The following CPSF6 variants were observed in gnomAD, a reference collection of about 807,000 sequenced individuals.
The protein encoded by CPSF6 is cleavage and polyadenylation specific factor 6.
CPSF6 carries 10 observed loss-of-function variants against 56.7 expected under a neutral mutation model. The observed-to-expected ratio is 0.18, with a 90% CI of 0.11 to 0.30. The LOEUF (loss-of-function observed/expected upper bound fraction) is 0.30, where lower values mean the gene tolerates loss of function less well. Ranked by LOEUF, CPSF6 falls within the 10% of genes least tolerant of loss-of-function variation. The pLI, the probability that CPSF6 is intolerant of heterozygous loss-of-function variation, is 1.00. For missense variants in CPSF6, 419 were observed against 722.9 expected (o/e 0.58, Z 4.82); for synonymous variants, 248 against 244.8 (o/e 1.01, Z -0.12).
Position 69,258,715 on chromosome 12 carries a change from C to G in CPSF6, c.820C>G (p.Pro274Ala). 1 of 1,614,100 alleles carries G rather than the reference C, an allele frequency of 6.2e-7. No individual in the cohort carries two copies. Among genetic ancestry groups the G allele is most frequent in the Non-Finnish European group, 8.5e-7 (1 of 1,180,014 alleles). ...GCCTCCTAATCGAGGAGATCGCCCT[C>G]CACCACCAGTTCTTTTTCCTGGACA... ...AGPPNRGDRPPPPVLFPGQPF... is the reference protein window; with the variant it reads ...AGPPNRGDRPAPPVLFPGQPF... Residue 274 changes from proline to alanine, a missense_variant, in exon 6 of 10, where the codon CCA becomes GCA. Pro to Ala is a conservative substitution (Grantham distance 27). This residue lies in a region of CPSF6 where 211 missense variants were observed against 296.0 expected (regional missense o/e 0.71). Coordinates refer to ENST00000435070, the MANE Select transcript of CPSF6 (RefSeq NM_007007.3). This position sits in a 1 kb window ranked among gnomAD's most constrained non-coding sequence, Gnocchi z 4.2.
chr12:69,273,604 A>G lies in CPSF6; in HGVS notation c.*4096A>G, dbSNP rs1429903723. 6.6e-6 allele frequency: 1 copy of G among 152,078 alleles called. No individual in the cohort carries two copies. Among genetic ancestry groups the G allele is most frequent in the South Asian group, 2.1e-4 (1 of 4,840 alleles). The allele number at this position is 152,078 out of a possible 1,614,324, so 9.4% of individuals were successfully genotyped here. ...TTTAGCGAAAACATTTTGTTTTGAA[A>G]GTGTGTTCTTTTTGTCGCACTGTTA... On this transcript the variant is annotated 3_prime_UTR_variant, in exon 10 of 10. Transcript: ENST00000435070.
chr12:69,247,840 T>TAAA (rs1466362813), intron 1 of CPSF6, among the ~76,000 whole-genome samples: 1 of 152,206 alleles, frequency 6.6e-6, no homozygotes. Context: ...TGCTTTGAGT[T>TAAA]TCATTTTTAG....
At position 69,272,677 on chromosome 12, in the gene CPSF6, TTC is replaced by T. The variant is rs1369903994; in HGVS notation, c.*3173_*3174del. 4 of 151,890 alleles carry T rather than the reference TTC, an allele frequency of 2.6e-5. No individual in the cohort carries two copies. Among genetic ancestry groups the T allele is most frequent in the African/African-American group, 9.7e-5 (4 of 41,444 alleles). The allele number at this position is 151,890 out of a possible 1,614,324, so 9.4% of individuals were successfully genotyped here. A position where few individuals can be genotyped will look rare whatever the true frequency, so the allele number is the denominator to read the frequency against. On this transcript the variant is annotated 3_prime_UTR_variant, in exon 10 of 10. Coordinates refer to ENST00000435070, the MANE Select transcript of CPSF6 (RefSeq NM_007007.3). ...CTTGACTGAGAATACAGTATTGAGATTCTCTGTTTTACAGATAACAACTGGTT... is the reference window on the plus strand; with the variant it reads ...CTTGACTGAGAATACAGTATTGAGATTCTGTTTTACAGATAACAACTGGTT...
intron 9 of CPSF6, 125 bp from the exon 10 acceptor site, chr12:69,269,386 TA>T (rs2120653536): frequency 3.3e-6 from 1 of 301,210 alleles, no homozygotes; most frequent in South Asian, 2.7e-5. Flanking sequence ...AGTTAATTCT[TA>T]TTTTGTGTTA....
chr12:69,247,914 G>T (rs1872001216), intron 1 of CPSF6, among the ~76,000 whole-genome samples: 1 of 152,178 alleles, frequency 6.6e-6, no homozygotes, highest in Admixed American at 6.5e-5. Context: ...TATACCATTG[G>T]GGCTAAGTGT....
chr12:69,243,931 T>C (rs1196136687), intron 1 of CPSF6, among the ~76,000 whole-genome samples: 1 of 152,204 alleles, frequency 6.6e-6, no homozygotes, highest in Non-Finnish European at 1.5e-5. Flanking sequence ...TCTCCCAGGC[T>C]CAAGCAGTCC....
intron 4 of CPSF6, 64 bp from the exon 5 acceptor site, chr12:69,257,668 A>G (rs921929909): frequency 2.1e-6 from 3 of 1,444,712 alleles, no homozygotes; most frequent in African/African-American, 1.4e-5. Context: ...TTTTAATAAT[A>G]GTGGTTACAT....
At chr12:69,261,474 A>G (rs994767090) in intron 8 of CPSF6, among the ~76,000 whole-genome samples, 3 of 149,808 alleles carry the variant, frequency 2.0e-5, no homozygotes, top group African/African-American at 7.6e-5. Context: ...CTGTGGTGGG[A>G]GGGTTGCTTG....
intron 3 of CPSF6, among the ~76,000 whole-genome samples, chr12:69,255,500 T>C (rs1441165971): frequency 6.6e-6 from 1 of 152,258 alleles, no homozygotes; most frequent in East Asian, 1.9e-4. Context: ...TAATACGTGC[T>C]CATCAGCAAT....
intron 9 of CPSF6, among the ~76,000 whole-genome samples, chr12:69,265,153 A>G (rs2120622307): frequency 6.6e-6 from 1 of 152,216 alleles, no homozygotes; most frequent in South Asian, 2.1e-4. Context: ...TGGTTTTTCT[A>G]AAAGTATTCA....
Position 69,258,301 on chromosome 12 carries a change from G to T in CPSF6, c.695-289G>T, listed in dbSNP as rs1027660833. On this transcript the variant is annotated intron_variant, in intron 5 of 9. Transcript: ENST00000435070. The surrounding 1 kb of genome is among the most constrained non-coding windows in gnomAD (Gnocchi z 4.2). ...AGAATATAAGGTGGGTGATTTCACT[G>T]TAAGAAGTGTGTGTACACGGAAAGA... 2 of 602,300 alleles carry T rather than the reference G, an allele frequency of 3.3e-6. No individual in the cohort carries two copies. The highest frequency in any genetic ancestry group is 5.7e-6 in the Non-Finnish European group (2 of 349,460). The allele number at this position is 602,300 out of a possible 1,614,324, so 37.3% of individuals were successfully genotyped here. A position where few individuals can be genotyped will look rare whatever the true frequency, so the allele number is the denominator to read the frequency against.
intron 1 of CPSF6, among the ~76,000 whole-genome samples, chr12:69,247,728 TAAG>T (rs956346420): frequency 6.6e-6 from 1 of 152,210 alleles, no homozygotes; most frequent in Non-Finnish European, 1.5e-5. Flanking sequence ...CTTTATGAAG[TAAG>T]AACAAAGTTC....
Position 69,258,977 on chromosome 12 carries a change from T to G in CPSF6, c.1082T>G (p.Phe361Cys). Residue 361 changes from phenylalanine (F) to cysteine (C), a missense_variant, in exon 6 of 10, where the codon TTC (phenylalanine) becomes TGC (cysteine). Phe to Cys is a radical substitution (Grantham distance 205). Coordinates refer to ENST00000435070, the MANE Select transcript of CPSF6 (RefSeq NM_007007.3). This position sits in a 1 kb window ranked among gnomAD's most constrained non-coding sequence, Gnocchi z 4.2. ...CCAGCTCCGCATGTGAACCCAGCTT[T>G]CTTTCCTCCACCAACTAACAGTGGC... is the stretch of plus-strand genomic sequence containing the variant. ...PPPAPHVNPA[F>C]FPPPTNSGMP... The G allele has an allele frequency of 6.2e-7, 1 of 1,613,652 alleles. No individual in the cohort carries two copies. The highest frequency in any genetic ancestry group is 1.3e-5 in the African/African-American group (1 of 75,030).
chr12:69,246,464 T>G (rs1237652282), intron 1 of CPSF6, among the ~76,000 whole-genome samples: 1 of 152,232 alleles, frequency 6.6e-6, no homozygotes, highest in East Asian at 1.9e-4. Context: ...TTAATTTAGT[T>G]GCCTGTGAAT....
intron 1 of CPSF6, among the ~76,000 whole-genome samples, chr12:69,244,302 C>G (rs113097474): frequency 0.12 from 18,909 of 152,162 alleles, 1,306 homozygotes; most frequent in Non-Finnish European, 0.16. Context: ...GTGGCGCGAT[C>G]TTGGCTCACC....
chr12:69,240,814 C>G (rs1445733501), intron 1 of CPSF6, among the ~76,000 whole-genome samples: 1 of 151,598 alleles, frequency 6.6e-6, no homozygotes, highest in Non-Finnish European at 1.5e-5. Context: ...GGCATCCTTG[C>G]AAAAGATGTC....
At chr12:69,269,438 A>G (rs974111451) in intron 9 of CPSF6, 74 bp from the exon 10 acceptor site, 11 of 445,650 alleles carry the variant, frequency 2.5e-5, no homozygotes, top group Non-Finnish European at 4.1e-5. Flanking sequence ...TTGTGTATGT[A>G]TAGTTAAGCC....
chr12:69,256,724 A>G lies in CPSF6; in HGVS notation c.402A>G (p.Glu134=). 2 of 1,613,690 alleles carry G rather than the reference A, an allele frequency of 1.2e-6. No individual in the cohort carries two copies. The highest frequency in any genetic ancestry group is 1.7e-6 in the Non-Finnish European group (2 of 1,179,854). ...TTGCCCTTGTTGGTGTTGGATCTGA[A>G]GCATCTTCAAAAAAGTTAATGGATC... ...KGFALVGVGS[E]ASSKKLMDLL... is the part of the protein sequence containing the mutation. The change falls in exon 4 of 10, where the codon GAA becomes GAG. Residue 134 remains glutamate (E), a synonymous_variant. Transcript: ENST00000435070.
In CPSF6 at chr12:69,270,719, T is replaced by G. The variant is rs1873202911; in HGVS notation, c.*1211T>G. Reference sequence around the variant, plus strand: ...TGCTATAGTTACTTAATCAAAGATTTTTTTCAAACCTGCCTTACATATAGG... The same window carrying G: ...TGCTATAGTTACTTAATCAAAGATTGTTTTCAAACCTGCCTTACATATAGG... On this transcript the variant is annotated 3_prime_UTR_variant, in exon 10 of 10. Transcript: ENST00000435070. 6.6e-6 allele frequency: 1 copy of G among 151,692 alleles called. No homozygotes were observed. Among genetic ancestry groups the G allele is most frequent in the Admixed American group, 6.6e-5 (1 of 15,210 alleles). The allele number at this position is 151,692 out of a possible 1,614,324, so 9.4% of individuals were successfully genotyped here.
Sources: allele counts gnomAD v4.1 joint callset (sites outside exome capture counted in the v4.1 genomes callset), GRCh38; gene constraint gnomAD v4.1.1; regional missense constraint gnomAD v4.1.1; non-coding constraint Gnocchi (gnomAD v3.1); transcripts MANE v1.5; gene names NCBI Gene and HGNC (gene_info 2026-07-23, HGNC 2026-07-21).